The following AMY2A variants were observed in gnomAD, a reference collection of about 807,000 sequenced individuals.
The protein encoded by AMY2A is pancreatic alpha-amylase.
Under a neutral mutation model 43.0 loss-of-function variants are expected in AMY2A, and 16 were observed. The observed-to-expected ratio is 0.37, with a 90% CI of 0.25 to 0.56. The LOEUF (loss-of-function observed/expected upper bound fraction) is 0.56. AMY2A is among the 20% of genes least tolerant of loss of function. The probability of loss-of-function intolerance (pLI) is 0.77; values close to 1 mark genes in which losing one functional copy is unlikely to be tolerated. For missense variants in AMY2A, 212 were observed against 456.8 expected (o/e 0.46, Z 4.89); for synonymous variants, 70 against 144.6 (o/e 0.48, Z 3.70).
chr1:103,618,825 A>G (rs558337971), intron 2 of AMY2A, 86 bp from the exon 3 acceptor site: 4 of 1,059,438 alleles, frequency 3.8e-6, no homozygotes, highest in Non-Finnish European at 5.4e-6. Context: ...TTGGAGTTTT[A>G]TTAACATACT....
rs574835567 is a variant in AMY2A at position 103,618,191 on chromosome 1, G to A, written c.315+91G>A. ...GCTCCTTTTCAGCAGAAAATTTTCCGTATTTTATTTTTTTAATTTTACTTC... is the reference window on the plus strand; with the variant it reads ...GCTCCTTTTCAGCAGAAAATTTTCCATATTTTATTTTTTTAATTTTACTTC... On this transcript the variant is annotated intron_variant, in intron 2 of 9. Coordinates refer to ENST00000414303, the MANE Select transcript of AMY2A (RefSeq NM_000699.4). The A allele has an allele frequency of 2.0e-4, 295 of 1,498,040 alleles. 15 individuals are homozygous for A. The African/African-American group carries it at 2.5e-3, about 12-fold the overall frequency. 92.8% of individuals were successfully genotyped at this position (1,498,040 alleles called of 1,614,324 possible).
rs770683804 is a variant in AMY2A, at chr1:103,617,883, T to C, written c.169-71T>C. 1.5e-5 allele frequency: 24 copies of C among 1,592,540 alleles called. 2 individuals carry two copies. Among genetic ancestry groups the C allele is most frequent in the Admixed American group, 1.7e-5 (1 of 58,406 alleles). ...TTCAAGAATCTTTTATACTATTGAT[T>C]AGTTTCTAGAACATTCAATGATACA... On this transcript the variant is annotated intron_variant, in intron 1 of 9. Transcript: ENST00000414303.
chr1:103,623,142 T>G (rs910013809), intron 7 of AMY2A, among the ~76,000 whole-genome samples: 2 of 102,774 alleles, frequency 1.9e-5, no homozygotes, highest in Non-Finnish European at 4.3e-5. Context: ...TTAATTTTTA[T>G]AGCAAAAAAA....
rs1033803824 is a variant in AMY2A at position 103,618,892 on chromosome 1, T to G, written c.316-19T>G. On this transcript the variant is annotated intron_variant, in intron 2 of 9. Transcript: ENST00000414303. The stretch of plus-strand genomic sequence containing the variant: ...TACCTCTCTGTAAGTCACACTGAAG[T>G]AGAAACTTTGTTTTCTAGGTTCGTA... 2 of 921,166 alleles carry G rather than the reference T, an allele frequency of 2.2e-6. No individual in the cohort carries two copies. Among genetic ancestry groups the G allele is most frequent in the Non-Finnish European group, 3.2e-6 (2 of 622,012 alleles). The allele number at this position is 921,166 out of a possible 1,614,324, so 57.1% of individuals were successfully genotyped here.
In AMY2A at chr1:103,617,910, A is replaced by G. The variant is rs377675258; in HGVS notation, c.169-44A>G. ...GTTTCTAGAACATTCAATGATACAC[A>G]GTAAGACAGAATTTGGTACTTATGA... On this transcript the variant is annotated intron_variant, in intron 1 of 9. Coordinates refer to ENST00000414303, the MANE Select transcript of AMY2A (RefSeq NM_000699.4). 2.9e-5 allele frequency: 47 copies of G among 1,599,814 alleles called. 1 individual carries two copies. Among genetic ancestry groups the G allele is most frequent in the Non-Finnish European group, 3.8e-5 (44 of 1,170,206 alleles).
chr1:103,618,793 T>A (rs546073193), intron 2 of AMY2A, 118 bp from the exon 3 acceptor site: 2 of 1,462,844 alleles, frequency 1.4e-6, no homozygotes, highest in Non-Finnish European at 1.9e-6. Flanking sequence ...AGGAAAATAA[T>A]TATAAGATAT....
chr1:103,618,802 A>G, intron 2 of AMY2A, 109 bp from the exon 3 acceptor site: 2 of 1,428,534 alleles, frequency 1.4e-6, no homozygotes, highest in East Asian at 2.3e-5. Flanking sequence ...ATTATAAGAT[A>G]TCATGAAATA....
At chr1:103,616,900 C>G, upstream of AMY2A, 1 of 758,656 alleles carries the variant, frequency 1.3e-6, no homozygotes, top group Middle Eastern at 5.8e-4. Flanking sequence ...TGTCTAGAGG[C>G]TGGTAAGGGC....
At chr1:103,619,905 T>A in intron 4 of AMY2A, 121 bp downstream of exon 4, 1 of 1,485,172 alleles carries the variant, frequency 6.7e-7, no homozygotes, top group Admixed American at 1.9e-5. Flanking sequence ...AAAACAGTGT[T>A]CTTTAACCTC....
In AMY2A at chr1:103,619,113, T is replaced by C. The variant is rs1356874395; in HGVS notation, c.513+5T>C. ...AACTACAATGATGCTACTCAGGTAA[T>C]TTTTTTACGAGAGTGATCTGAATAA... On this transcript the variant is annotated splice_donor_5th_base_variant and intron_variant, in intron 3 of 9. Transcript: ENST00000414303. The C allele has an allele frequency of 5.1e-6, 5 of 978,314 alleles. No individual in the cohort carries two copies. The highest frequency in any genetic ancestry group is 7.3e-6 in the Non-Finnish European group (5 of 684,126). 60.6% of individuals were successfully genotyped at this position (978,314 alleles called of 1,614,324 possible).
rs770671951 is a variant in AMY2A, at chr1:103,618,914, C to T, written c.319C>T (p.Arg107Cys). 7.5e-6 allele frequency: 9 copies of T among 1,201,244 alleles called. No individual in the cohort carries two copies. The East Asian group carries it at 1.3e-4, about 17-fold the overall frequency. 74.4% of individuals were successfully genotyped at this position (1,201,244 alleles called of 1,614,324 possible). A position where few individuals can be genotyped will look rare whatever the true frequency, so the allele number is the denominator to read the frequency against. ...AAGTAGAAACTTTGTTTTCTAGGTT[C>T]GTATTTATGTGGATGCTGTAATTAA... ...MVTRCNNVGV[R>C]IYVDAVINHM... Residue 107 changes from arginine (R) to cysteine (C), a missense_variant, in exon 3 of 10, where the codon CGT becomes TGT. Around this residue, in one of 2 missense-constraint regions of AMY2A, gnomAD observed 199 missense variants for 210.6 expected, o/e 0.94. Transcript: ENST00000414303.
upstream of AMY2A, chr1:103,617,375 G>C (rs2101097522): frequency 6.4e-7 from 1 of 1,559,322 alleles, no homozygotes; most frequent in African/African-American, 1.4e-5. Context: ...TATTTACTTT[G>C]TAAAATGTGC....
intron 1 of AMY2A, 64 bp downstream of exon 1, chr1:103,617,672 C>T (rs1653115942): frequency 1.3e-6 from 2 of 1,599,548 alleles, no homozygotes; most frequent in African/African-American, 2.7e-5. Context: ...GTATTCTGAT[C>T]TTATCTGTGA....
In AMY2A at chr1:103,617,603, G is replaced by T. The variant is rs776915497; in HGVS notation, c.163G>T (p.Val55Phe). The change falls in exon 1 of 10, where the codon GTT (valine) becomes TTT (phenylalanine). Residue 55 changes from valine (V) to phenylalanine (F), a missense_variant. Around this residue, in one of 2 missense-constraint regions of AMY2A, gnomAD observed 199 missense variants for 210.6 expected, o/e 0.94. Transcript: ENST00000414303. Reference protein sequence around the residue: ...RYLAPKGFGGVQVSPPNENVA... With the variant: ...RYLAPKGFGGFQVSPPNENVA... ...TTTAGCTCCGAAGGGATTTGGAGGG[G>T]TTCAGGTGGGTATGATTCATAGTAT... The T allele has an allele frequency of 2.5e-6, 4 of 1,600,856 alleles. No individual in the cohort carries two copies. Among genetic ancestry groups the T allele is most frequent in the Admixed American group, 1.7e-5 (1 of 59,708 alleles).
chr1:103,619,997 G>T (rs1179554907), intron 4 of AMY2A, among the ~76,000 whole-genome samples: 1 of 151,392 alleles, frequency 6.6e-6, no homozygotes, highest in Non-Finnish European at 1.5e-5. Context: ...ACTGATAATA[G>T]TTATGTCTTT....
intron 7 of AMY2A, among the ~76,000 whole-genome samples, chr1:103,623,341 A>T (rs377037264): frequency 7.5e-6 from 1 of 134,194 alleles, no homozygotes; most frequent in African/African-American, 3.0e-5. Flanking sequence ...GGCCAGGTGC[A>T]GTGGCTCACA....
In AMY2A at chr1:103,619,973, A is replaced by G. The variant is rs1653196736; in HGVS notation, c.744+189A>G. On this transcript the variant is annotated intron_variant, in intron 4 of 9. Coordinates refer to ENST00000414303, the MANE Select transcript of AMY2A (RefSeq NM_000699.4). ...ATCACAACATGTTTTATGGAGGTAC[A>G]CAGAATGTAGGATACTGATAATAGT... The G allele has an allele frequency of 5.3e-6, 7 of 1,324,458 alleles. No homozygotes were observed. In the Admixed American group the frequency reaches 1.0e-4, roughly 19 times the overall value. The allele number at this position is 1,324,458 out of a possible 1,614,324, so 82.0% of individuals were successfully genotyped here. A position where few individuals can be genotyped will look rare whatever the true frequency, so the allele number is the denominator to read the frequency against.
At chr1:103,619,417 A>T in intron 3 of AMY2A, 137 bp from the exon 4 acceptor site, 1 of 1,112,318 alleles carries the variant, frequency 9.0e-7, no homozygotes, top group South Asian at 1.5e-5. Flanking sequence ...GTAGAATGTG[A>T]GCATCCCCAG....
intron 1 of AMY2A, 103 bp from the exon 2 acceptor site, chr1:103,617,851 A>G: frequency 6.4e-7 from 1 of 1,568,906 alleles, no homozygotes; most frequent in Middle Eastern, 2.3e-4. Flanking sequence ...AGCTGCCTAT[A>G]CCAAGATTCA....
Sources: allele counts gnomAD v4.1 joint callset (sites outside exome capture counted in the v4.1 genomes callset), GRCh38; gene constraint gnomAD v4.1.1; regional missense constraint gnomAD v4.1.1; transcripts MANE v1.5; gene names NCBI Gene and HGNC (gene_info 2026-07-23, HGNC 2026-07-21).